LRRC8B: variants seen among roughly 807,000 people sequenced by gnomAD.
The protein encoded by LRRC8B is leucine rich repeat containing 8 VRAC subunit B.
Under a neutral mutation model 58.8 loss-of-function variants are expected in LRRC8B, and 23 were observed. That is an observed-to-expected ratio of 0.39 (90% CI 0.28 to 0.55). LRRC8B has a LOEUF of 0.55. Among genes scored for constraint, LRRC8B ranks in the 20% least tolerant of loss-of-function variants. LRRC8B has a pLI of 0.62. For missense variants in LRRC8B, 694 were observed against 936.0 expected (o/e 0.74, Z 3.37); for synonymous variants, 359 against 374.1 (o/e 0.96, Z 0.47).
chr1:89,541,702 C>T (rs1256640283), intron 1 of LRRC8B, among the ~76,000 whole-genome samples: 1 of 90,212 alleles, frequency 1.1e-5, no homozygotes, highest in East Asian at 3.3e-4. Flanking sequence ...CAGAGGGAGA[C>T]TCCGTCTCAA....
intron 3 of LRRC8B, among the ~76,000 whole-genome samples, chr1:89,570,123 G>A (rs1423720364): frequency 6.6e-6 from 1 of 152,118 alleles, no homozygotes; most frequent in East Asian, 1.9e-4. Flanking sequence ...GTCTATCACT[G>A]ATGGGCATTT....
chr1:89,533,819 G>T (rs1650323744), intron 1 of LRRC8B, among the ~76,000 whole-genome samples: 1 of 152,114 alleles, frequency 6.6e-6, no homozygotes, highest in African/African-American at 2.4e-5. Flanking sequence ...CCTAGTCTAG[G>T]GTTTCATTTC....
Position 89,584,524 on chromosome 1 carries a change from A to C in LRRC8B, c.1874A>C (p.Glu625Ala). ...GAAAATAACCTTAAAACTGTGGAAG[A>C]GATCATTAGCTTTCAGCATCTTCAG... ...LRENNLKTVE[E>A]IISFQHLQNL... Residue 625 changes from glutamate to alanine, a missense_variant, in exon 5 of 6, where the codon GAG becomes GCG. By Grantham distance (107) the Glu-to-Ala change is moderately radical. Around this residue, in one of 5 missense-constraint regions of LRRC8B, gnomAD observed 53 missense variants for 112.3 expected, o/e 0.47. Transcript: ENST00000330947. 6.2e-7 allele frequency: 1 copy of C among 1,614,220 alleles called. No homozygotes were observed.
chr1:89,590,651 C>CA (rs1654917572), intron 5 of LRRC8B, among the ~76,000 whole-genome samples: 1 of 152,150 alleles, frequency 6.6e-6, no homozygotes. Flanking sequence ...GTGCTGATAG[C>CA]CAGACAAGAG....
intron 5 of LRRC8B, 38 bp downstream of exon 5, chr1:89,584,827 C>T (rs1327729978): frequency 3.0e-5 from 42 of 1,400,298 alleles, no homozygotes; most frequent in Middle Eastern, 1.8e-4. Context: ...CAGTATCTGC[C>T]GTACTTATAG....
chr1:89,578,697 G>C (rs1274860893), intron 3 of LRRC8B, among the ~76,000 whole-genome samples: 1 of 151,934 alleles, frequency 6.6e-6, no homozygotes, highest in African/African-American at 2.4e-5. Flanking sequence ...AAGATTTGAA[G>C]TACTTTTTAA....
rs201482760 is a variant in LRRC8B, at chr1:89,592,683, G to T, written c.2140-88G>T. On this transcript the variant is annotated intron_variant, in intron 5 of 5. Transcript: ENST00000330947. ...ACTTATAAACCTCCAGAAATGTTTT[G>T]TTTTTTTTTTTTTGGAAAAAAGGTA... 295 of 940,752 alleles carry T rather than the reference G, an allele frequency of 3.1e-4. 1 individual carries two copies. The highest frequency in any genetic ancestry group is 1.4e-3 in the East Asian group (53 of 38,258). The allele number at this position is 940,752 out of a possible 1,614,324, so 58.3% of individuals were successfully genotyped here.
chr1:89,550,515 G>A lies in LRRC8B; in HGVS notation c.-240-17732G>A, dbSNP rs565419191. On this transcript the variant is annotated intron_variant, in intron 1 of 5. Coordinates refer to ENST00000330947, the MANE Select transcript of LRRC8B (RefSeq NM_001369817.2). ...CAGCTTTCCCGCTAGGTTCACTTGCGAGAACAGTACTCAGTCAAACCTTAG... is the reference window on the plus strand; with the variant it reads ...CAGCTTTCCCGCTAGGTTCACTTGCAAGAACAGTACTCAGTCAAACCTTAG... 1.1e-4 allele frequency among the ~76,000 whole-genome samples: 17 copies of A among 152,220 alleles called. No individual in the cohort carries two copies. In the East Asian group the frequency reaches 2.7e-3, roughly 24 times the overall value.
At position 89,587,458 on chromosome 1, in the gene LRRC8B, C is replaced by T. The variant is rs145427786; in HGVS notation, c.2139+2669C>T. On this transcript the variant is annotated intron_variant, in intron 5 of 5. Coordinates refer to ENST00000330947, the MANE Select transcript of LRRC8B (RefSeq NM_001369817.2). The stretch of plus-strand genomic sequence containing the variant: ...CTGAGGCAGAAGAATTGCTTGAACC[C>T]GGGAGACAGAGGTGCAGTGAGCCAA... Among the ~76,000 whole-genome samples the T allele has an allele frequency of 3.1e-3, 473 of 152,184 alleles. 4 individuals are homozygous for T. Among genetic ancestry groups the T allele is most frequent in the African/African-American group, 0.011 (447 of 41,526 alleles).
Position 89,583,162 on chromosome 1 carries a change from A to T in LRRC8B, c.512A>T (p.Glu171Val). ...DSPWTTRALS[E>V]TVAEQSVRPL... ...CCATGGACCACCCGCGCCCTTTCAG[A>T]AACAGTGGCTGAGCAGTCAGTGAGG... Residue 171 changes from glutamate (E) to valine (V), a missense_variant, in exon 5 of 6, where the codon GAA becomes GTA. By Grantham distance (121) the Glu-to-Val change is moderately radical (BLOSUM62 -2). Transcript: ENST00000330947. The surrounding 1 kb of genome is among the most constrained non-coding windows in gnomAD (Gnocchi z 5.2). The T allele has an allele frequency of 6.2e-7, 1 of 1,614,168 alleles. No individual in the cohort carries two copies. The highest frequency in any genetic ancestry group is 1.1e-5 in the South Asian group (1 of 91,082).
At chr1:89,542,116 A>G (rs547560077) in intron 1 of LRRC8B, among the ~76,000 whole-genome samples, 6 of 152,348 alleles carry the variant, frequency 3.9e-5, no homozygotes, top group Non-Finnish European at 4.4e-5. Context: ...GGAACTAGAC[A>G]GAGACCTCCT....
chr1:89,538,033 G>A (rs1020116779), intron 1 of LRRC8B, among the ~76,000 whole-genome samples: 2 of 152,188 alleles, frequency 1.3e-5, no homozygotes, highest in Non-Finnish European at 2.9e-5. Context: ...TTTACACAGA[G>A]TAAAACCTCC....
intron 1 of LRRC8B, among the ~76,000 whole-genome samples, chr1:89,541,148 T>C (rs187329663): frequency 6.6e-6 from 1 of 152,334 alleles, no homozygotes; most frequent in East Asian, 1.9e-4. Flanking sequence ...AATGACACTT[T>C]GCACAGGAGA....
intron 1 of LRRC8B, among the ~76,000 whole-genome samples, chr1:89,556,426 G>C (rs563236232): frequency 3.5e-4 from 53 of 152,270 alleles, no homozygotes; most frequent in African/African-American, 1.2e-3. Context: ...AATTTGAAGA[G>C]AGCGTTATGG....
Position 89,543,639 on chromosome 1 carries a change from G to C in LRRC8B, c.-241+18617G>C, listed in dbSNP as rs1344359947. Among the ~76,000 whole-genome samples, 3 of 151,012 alleles carry C rather than the reference G, an allele frequency of 2.0e-5. No individual in the cohort carries two copies. The East Asian group carries it at 5.9e-4, about 30-fold the overall frequency. ...GCCTCCTGAGTAGCTGGGAGTACAGGCACATGCCAGCAGCCCTGGCTAATT... is the reference window on the plus strand; with the variant it reads ...GCCTCCTGAGTAGCTGGGAGTACAGCCACATGCCAGCAGCCCTGGCTAATT... On this transcript the variant is annotated intron_variant, in intron 1 of 5. Coordinates refer to ENST00000330947, the MANE Select transcript of LRRC8B (RefSeq NM_001369817.2).
At chr1:89,555,196 A>G (rs1244201504) in intron 1 of LRRC8B, among the ~76,000 whole-genome samples, 1 of 152,122 alleles carries the variant, frequency 6.6e-6, no homozygotes, top group Non-Finnish European at 1.5e-5. Context: ...GATTCATATT[A>G]GTTATTTGTG....
At chr1:89,541,512 C>T (rs959851961) in intron 1 of LRRC8B, among the ~76,000 whole-genome samples, 3 of 151,322 alleles carry the variant, frequency 2.0e-5, no homozygotes, top group African/African-American at 7.3e-5. Context: ...GAGATCGAGA[C>T]CATCCCGGCT....
intron 1 of LRRC8B, among the ~76,000 whole-genome samples, chr1:89,547,174 G>A (rs1481686643): frequency 6.6e-6 from 1 of 151,558 alleles, no homozygotes; most frequent in African/African-American, 2.4e-5. Context: ...GTGACATCAT[G>A]TTGGTACTTT....
At chr1:89,541,590 A>G (rs925591588) in intron 1 of LRRC8B, among the ~76,000 whole-genome samples, 1 of 149,792 alleles carries the variant, frequency 6.7e-6, no homozygotes, top group Non-Finnish European at 1.5e-5. Context: ...GGGCGCCTGT[A>G]GTCCCAGCTA....
Sources: gnomAD v4.1 joint callset for allele counts (sites outside exome capture counted in the v4.1 genomes callset) on GRCh38, gnomAD v4.1.1 for gene constraint, gnomAD v4.1.1 regional missense constraint, Gnocchi (gnomAD v3.1) non-coding constraint, MANE v1.5 for transcripts, NCBI Gene and HGNC (gene_info 2026-07-23, HGNC 2026-07-21) for gene names.